Variants in CCNT2 observed in about 807,000 individuals in gnomAD.
CCNT2 encodes the protein cyclin T2, also known as cyclin-T2.
CCNT2 carries 18 observed loss-of-function variants against 70.0 expected under a neutral mutation model. The observed-to-expected ratio is 0.26, with a 90% CI of 0.18 to 0.38. CCNT2 has a LOEUF of 0.38. Among genes scored for constraint, CCNT2 ranks in the 10% least tolerant of loss-of-function variants. CCNT2 has a pLI of 1.00. For synonymous variants in CCNT2, 334 were observed against 313.3 expected, an observed-to-expected ratio of 1.07 and a Z score of -0.70; for missense variants, 734 against 890.2, an observed-to-expected ratio of 0.82 and a Z score of 2.23.
intron 6 of CCNT2, chr2:134,946,436 TA>T: frequency 2.6e-6 from 3 of 1,160,402 alleles, no homozygotes; most frequent in Non-Finnish European, 3.2e-6. Context: ...TACAAAGAGC[TA>T]AACTTAACGT....
At chr2:134,949,743 G>C (rs1173813329) in intron 7 of CCNT2, among the ~76,000 whole-genome samples, 1 of 131,950 alleles carries the variant, frequency 7.6e-6, no homozygotes, top group Non-Finnish European at 1.5e-5. Flanking sequence ...AGGTTATCTA[G>C]GTCATTGTTT....
chr2:134,947,332 A>G (rs1045152869), intron 6 of CCNT2, among the ~76,000 whole-genome samples: 2 of 152,308 alleles, frequency 1.3e-5, no homozygotes, highest in East Asian at 1.9e-4. Context: ...TACTTTGTCA[A>G]TTTTACAAAT....
chr2:134,958,176 T>A lies in CCNT2; in HGVS notation c.*3528T>A, dbSNP rs140664834. ...AGATATTTCAGGGTTTTGCATTTTCTATAGACATGGGGACTTTTTTAACAT... is the reference window on the plus strand; with the variant it reads ...AGATATTTCAGGGTTTTGCATTTTCAATAGACATGGGGACTTTTTTAACAT... On this transcript the variant is annotated 3_prime_UTR_variant, in exon 9 of 9. Coordinates refer to ENST00000264157, the MANE Select transcript of CCNT2 (RefSeq NM_058241.3). 251 of 152,360 alleles carry A rather than the reference T, an allele frequency of 1.6e-3. No homozygotes were observed. The highest frequency in any genetic ancestry group is 5.2e-3 in the African/African-American group (217 of 41,596). 9.4% of individuals were successfully genotyped at this position (152,360 alleles called of 1,614,324 possible). A position where few individuals can be genotyped will look rare whatever the true frequency, so the allele number is the denominator to read the frequency against.
At chr2:134,928,364 T>C (rs897456587) in intron 2 of CCNT2, among the ~76,000 whole-genome samples, 1 of 144,916 alleles carries the variant, frequency 6.9e-6, no homozygotes, top group Admixed American at 7.2e-5. Context: ...CCACCGCCTC[T>C]GCCTCCCAGG....
intron 7 of CCNT2, among the ~76,000 whole-genome samples, chr2:134,950,633 C>CT (rs1371981883): frequency 6.6e-6 from 1 of 151,518 alleles, no homozygotes; most frequent in Non-Finnish European, 1.5e-5. Context: ...GAAACCCTGT[C>CT]TGGGGGGAAA....
chr2:134,952,780 G>T, intron 8 of CCNT2, 69 bp downstream of exon 8: 3 of 1,103,262 alleles, frequency 2.7e-6, no homozygotes, highest in South Asian at 2.7e-5. Flanking sequence ...TAACCAGTTT[G>T]AATTTTTGTG....
At chr2:134,930,387 G>A (rs1310888118) in intron 2 of CCNT2, among the ~76,000 whole-genome samples, 1 of 152,100 alleles carries the variant, frequency 6.6e-6, no homozygotes, top group Admixed American at 6.6e-5. Context: ...CCATTTATCA[G>A]CTGATGGACA....
chr2:134,927,524 A>G (rs1680384011), intron 2 of CCNT2, among the ~76,000 whole-genome samples: 1 of 152,186 alleles, frequency 6.6e-6, no homozygotes, highest in South Asian at 2.1e-4. Flanking sequence ...ACTTAGGTGT[A>G]TAGAGTAGAA....
At chr2:134,938,147 T>A (rs895338352) in intron 3 of CCNT2, among the ~76,000 whole-genome samples, 1 of 152,204 alleles carries the variant, frequency 6.6e-6, no homozygotes, top group Non-Finnish European at 1.5e-5. Flanking sequence ...TCCTACAGTT[T>A]ATATTAACTG....
Position 134,955,610 on chromosome 2 carries a change from T to C in CCNT2, c.*962T>C, listed in dbSNP as rs1016966023. ...TAGAGATTTAGTGAGTTGTTTCCTTTAAAGAATTTTACACTACATATTTTA... is the reference window on the plus strand; with the variant it reads ...TAGAGATTTAGTGAGTTGTTTCCTTCAAAGAATTTTACACTACATATTTTA... On this transcript the variant is annotated 3_prime_UTR_variant, in exon 9 of 9. Transcript: ENST00000264157. The C allele has an allele frequency of 1.3e-5, 2 of 152,626 alleles. No individual in the cohort carries two copies. Among genetic ancestry groups the C allele is most frequent in the African/African-American group, 4.8e-5 (2 of 41,452 alleles). 9.5% of individuals were successfully genotyped at this position (152,626 alleles called of 1,614,324 possible).
At chr2:134,952,251 G>T (rs1218784885) in intron 7 of CCNT2, among the ~76,000 whole-genome samples, 1 of 152,062 alleles carries the variant, frequency 6.6e-6, no homozygotes, top group Admixed American at 6.5e-5. Context: ...GATACGTTGG[G>T]ATTATACAAA....
Position 134,947,754 on chromosome 2 carries a change from C to A in CCNT2, c.558C>A (p.Phe186Leu). 1 of 1,502,142 alleles carries A rather than the reference C, an allele frequency of 6.7e-7. No individual in the cohort carries two copies. The highest frequency in any genetic ancestry group is 9.0e-7 in the Non-Finnish European group (1 of 1,105,550). The allele number at this position is 1,502,142 out of a possible 1,614,324, so 93.1% of individuals were successfully genotyped here. Residue 186 changes from phenylalanine (F) to leucine (L), a missense_variant, in exon 7 of 9, where the codon TTC becomes TTA. Phe to Leu is a conservative substitution (Grantham distance 22). Coordinates refer to ENST00000264157, the MANE Select transcript of CCNT2 (RefSeq NM_058241.3). ...MATNSLHLTT[F>L]CLQYKPTVIA... ...GCAACAGTCTGCATCTTACAACCTT[C>A]TGTCTTCAGTACAAACCAACAGTGA...
At chr2:134,920,061 T>G (rs763047807) in intron 2 of CCNT2, 170 bp downstream of exon 2, 20 of 535,892 alleles carry the variant, frequency 3.7e-5, no homozygotes, top group Non-Finnish European at 5.9e-5. Flanking sequence ...TTTTAAAATT[T>G]ATGATGAATT....
At chr2:134,935,212 A>C (rs1240235214) in intron 2 of CCNT2, among the ~76,000 whole-genome samples, 2 of 152,254 alleles carry the variant, frequency 1.3e-5, no homozygotes, top group South Asian at 2.1e-4. Context: ...TAATTTTAAA[A>C]GGAAGAAATA....
chr2:134,948,905 G>A (rs1682215085), intron 7 of CCNT2, among the ~76,000 whole-genome samples: 1 of 151,888 alleles, frequency 6.6e-6, no homozygotes, highest in Admixed American at 6.6e-5. Context: ...AGTAGAGATG[G>A]GGTTTCACCA....
Position 134,946,091 on chromosome 2 carries a change from T to C in CCNT2, c.494-10T>C, listed in dbSNP as rs1400378577. ...ATAGTATTGTCTTCGTTTTTTTTTT[T>C]TTCTTACAGCAAGCAAGGATTTGGC... On this transcript the variant is annotated splice_polypyrimidine_tract_variant and intron_variant, in intron 5 of 8. Coordinates refer to ENST00000264157, the MANE Select transcript of CCNT2 (RefSeq NM_058241.3). The C allele has an allele frequency of 6.2e-7, 1 of 1,612,350 alleles. No individual in the cohort carries two copies. Among genetic ancestry groups the C allele is most frequent in the Non-Finnish European group, 8.5e-7 (1 of 1,179,872 alleles).
intron 8 of CCNT2, 190 bp downstream of exon 8, chr2:134,952,901 T>C: frequency 2.0e-6 from 1 of 503,142 alleles, no homozygotes; most frequent in Non-Finnish European, 3.5e-6. Flanking sequence ...ATTATACTTT[T>C]AAAAAATTTT....
rs1411407886 is a variant in CCNT2, at chr2:134,944,752, CTT to C, written c.494-1345_494-1344del. The stretch of plus-strand genomic sequence containing the variant: ...AAAGTACTGTTTCATGTTTTAGTGT[CTT>C]TTTGTTTTCTTTGCTCTTTTACAAC... On this transcript the variant is annotated intron_variant, in intron 5 of 8. Transcript: ENST00000264157. 4 of 985,052 alleles carry C rather than the reference CTT, an allele frequency of 4.1e-6. No homozygotes were observed. The African/African-American group carries it at 7.0e-5, about 17-fold the overall frequency. 61.0% of individuals were successfully genotyped at this position (985,052 alleles called of 1,614,324 possible). A position where few individuals can be genotyped will look rare whatever the true frequency, so the allele number is the denominator to read the frequency against.
At chr2:134,946,773 CCAT>C (rs983787831) in intron 6 of CCNT2, among the ~76,000 whole-genome samples, 12 of 151,456 alleles carry the variant, frequency 7.9e-5, no homozygotes, top group African/African-American at 2.9e-4. Context: ...GATAACATTT[CCAT>C]CATTGAAACT....
Sources: allele counts gnomAD v4.1 joint callset (sites outside exome capture counted in the v4.1 genomes callset), GRCh38; gene constraint gnomAD v4.1.1; transcripts MANE v1.5; gene names NCBI Gene and HGNC (gene_info 2026-07-23, HGNC 2026-07-21).